Variants in RIMBP2 observed in about 807,000 individuals in gnomAD.
The protein encoded by RIMBP2 is RIMS binding protein 2, also known as RIMS-binding protein 2.
RIMBP2 carries 48 observed loss-of-function variants against 118.6 expected under a neutral mutation model. The ratio of observed to expected loss-of-function variants is 0.40; its 90% CI spans 0.32 to 0.51. The LOEUF (loss-of-function observed/expected upper bound fraction) is 0.51. Among genes scored for constraint, RIMBP2 ranks in the 20% least tolerant of loss-of-function variants. The pLI is 0.41. For synonymous variants in RIMBP2, 762 were observed against 742.9 expected, an observed-to-expected ratio of 1.03 and a Z score of -0.42; for missense variants, 1,551 against 1,768.3, an observed-to-expected ratio of 0.88 and a Z score of 2.20.
At chr12:130,711,793 C>T (rs899254668) in intron 1 of RIMBP2, among the ~76,000 whole-genome samples, 5 of 152,200 alleles carry the variant, frequency 3.3e-5, no homozygotes, top group Non-Finnish European at 5.9e-5. Flanking sequence ...AACAAGGATG[C>T]GTTCGGAGAA....
chr12:130,485,048 G>A (rs1440858338), intron 4 of RIMBP2, among the ~76,000 whole-genome samples: 1 of 152,116 alleles, frequency 6.6e-6, no homozygotes, highest in Non-Finnish European at 1.5e-5. Context: ...AGTCCCAAGA[G>A]GAGAAAACCC....
Position 130,710,473 on chromosome 12 carries a change from T to TAC in RIMBP2, c.-352+5747_-352+5748dup, listed in dbSNP as rs968228994. ...ACACACACACATACACACACACACG[T>TAC]ACACACACACATGTGTGCTCCCCAT... On this transcript the variant is annotated intron_variant, in intron 1 of 22. Coordinates refer to ENST00000690449, the MANE Select transcript of RIMBP2 (RefSeq NM_001393629.1). The surrounding 1 kb of genome is among the most constrained non-coding windows in gnomAD (Gnocchi z 4.3). Among the ~76,000 whole-genome samples, 3 of 151,976 alleles carry TAC rather than the reference T, an allele frequency of 2.0e-5. No homozygotes were observed. Among genetic ancestry groups the TAC allele is most frequent in the South Asian group, 2.1e-4 (1 of 4,802 alleles).
intron 2 of RIMBP2, among the ~76,000 whole-genome samples, chr12:130,601,335 C>CAGAAA (rs2059868865): frequency 1.6e-5 from 1 of 63,064 alleles, no homozygotes; most frequent in South Asian, 9.4e-4. Flanking sequence ...AGAGGGCAGG[C>CAGAAA]AAAAAAAAAA....
intron 2 of RIMBP2, among the ~76,000 whole-genome samples, chr12:130,556,069 C>T (rs959275245): frequency 6.6e-6 from 1 of 152,180 alleles, no homozygotes; most frequent in African/African-American, 2.4e-5. Context: ...GGATGAGCAG[C>T]ACTGTGCTAG....
intron 12 of RIMBP2, 123 bp from the exon 13 acceptor site, chr12:130,437,414 C>T (rs1325308509): frequency 2.6e-6 from 2 of 767,930 alleles, no homozygotes; most frequent in Non-Finnish European, 4.2e-6. Flanking sequence ...CGACCTCCGA[C>T]TCCAACCACC....
chr12:130,683,121 T>G lies in RIMBP2; in HGVS notation c.-352+33101A>C, dbSNP rs2064876387. Among the ~76,000 whole-genome samples the G allele has an allele frequency of 6.6e-6, 1 of 151,954 alleles. No homozygotes were observed. Among genetic ancestry groups the G allele is most frequent in the African/African-American group, 2.4e-5 (1 of 41,356 alleles). ...AGGGTCTGTGCAGGTATAATTAAGG[T>G]AAGGGTAGAGATGAGATCCAGGGGG... On this transcript the variant is annotated intron_variant, in intron 1 of 22. Coordinates refer to ENST00000690449, the MANE Select transcript of RIMBP2 (RefSeq NM_001393629.1). This position sits in a 1 kb window ranked among gnomAD's most constrained non-coding sequence, Gnocchi z 4.4.
intron 13 of RIMBP2, among the ~76,000 whole-genome samples, chr12:130,435,775 G>GGAGGTGCT (rs1175198095): frequency 2.6e-5 from 4 of 152,260 alleles, no homozygotes; most frequent in African/African-American, 7.2e-5. Context: ...CAGTTTTTCA[G>GGAGGTGCT]GAGGTGCTGA....
intron 2 of RIMBP2, among the ~76,000 whole-genome samples, chr12:130,519,394 A>G (rs2051833358): frequency 6.6e-6 from 1 of 152,258 alleles, no homozygotes; most frequent in Non-Finnish European, 1.5e-5. Flanking sequence ...GAACCCAAAC[A>G]TAAAAGACGG....
chr12:130,686,457 C>A (rs1374037263), intron 1 of RIMBP2, among the ~76,000 whole-genome samples: 1 of 152,228 alleles, frequency 6.6e-6, no homozygotes, highest in Non-Finnish European at 1.5e-5. Context: ...TTGTCCCACA[C>A]GAGGCATTCT....
intron 2 of RIMBP2, among the ~76,000 whole-genome samples, chr12:130,590,963 G>A (rs904661706): frequency 1.3e-5 from 2 of 152,198 alleles, no homozygotes; most frequent in Admixed American, 6.5e-5. Flanking sequence ...GCGGGATGCA[G>A]ACTCTAGCGT....
At chr12:130,613,728 C>T (rs189661466) in intron 2 of RIMBP2, among the ~76,000 whole-genome samples, 7 of 149,246 alleles carry the variant, frequency 4.7e-5, no homozygotes, top group East Asian at 2.0e-4. Flanking sequence ...GCAGGAGAAT[C>T]GCTTGAACCC....
chr12:130,643,227 G>A (rs2062701652), intron 1 of RIMBP2, among the ~76,000 whole-genome samples: 1 of 152,166 alleles, frequency 6.6e-6, no homozygotes, highest in Non-Finnish European at 1.5e-5. Context: ...TGGAACGCAG[G>A]GAGCTCACAC....
intron 5 of RIMBP2, among the ~76,000 whole-genome samples, chr12:130,472,549 GACTT>G (rs1449535456): frequency 6.6e-6 from 1 of 152,226 alleles, no homozygotes; most frequent in Non-Finnish European, 1.5e-5. Context: ...GCTACGCTGT[GACTT>G]ACATTTACAA....
intron 1 of RIMBP2, among the ~76,000 whole-genome samples, chr12:130,646,764 G>T (rs938434969): frequency 5.3e-5 from 8 of 152,380 alleles, no homozygotes; most frequent in South Asian, 2.1e-4. Context: ...GCCTCCAGGG[G>T]CGAATGATTT....
rs577661154 is a variant in RIMBP2, at chr12:130,661,497, C to T, written c.-351-33041G>A. 4.1e-4 allele frequency among the ~76,000 whole-genome samples: 63 copies of T among 152,316 alleles called. No homozygotes were observed. The East Asian group carries it at 5.4e-3, about 13-fold the overall frequency. ...TACACACAGTATTTGAGCTCCTAAA[C>T]CATTACTGGTCATATGACCCCTTTG... On this transcript the variant is annotated intron_variant, in intron 1 of 22. Coordinates refer to ENST00000690449, the MANE Select transcript of RIMBP2 (RefSeq NM_001393629.1).
intron 2 of RIMBP2, among the ~76,000 whole-genome samples, chr12:130,534,545 A>G (rs2053815901): frequency 6.6e-6 from 1 of 152,178 alleles, no homozygotes; most frequent in Non-Finnish European, 1.5e-5. Flanking sequence ...CCCCTTAAAT[A>G]TATGCAAATG....
chr12:130,636,878 A>C (rs75403700), intron 1 of RIMBP2, among the ~76,000 whole-genome samples: 2,382 of 152,310 alleles, frequency 0.016, 71 homozygotes, highest in African/African-American at 0.053. Context: ...TTTAGGACTA[A>C]GTCAATATAA....
At chr12:130,592,961 A>G (rs918175004) in intron 2 of RIMBP2, among the ~76,000 whole-genome samples, 1 of 152,174 alleles carries the variant, frequency 6.6e-6, no homozygotes, top group African/African-American at 2.4e-5. Flanking sequence ...AGGAAACGTC[A>G]GACCCACAAA....
intron 1 of RIMBP2, among the ~76,000 whole-genome samples, chr12:130,709,808 TA>T (rs879545419): frequency 1.3e-5 from 2 of 152,076 alleles, no homozygotes; most frequent in Non-Finnish European, 2.9e-5. Flanking sequence ...CAGGAGCGTT[TA>T]ATCAGAGGAA....
Sources: allele counts gnomAD v4.1 joint callset (sites outside exome capture counted in the v4.1 genomes callset), GRCh38; gene constraint gnomAD v4.1.1; non-coding constraint Gnocchi (gnomAD v3.1); transcripts MANE v1.5; gene names NCBI Gene and HGNC (gene_info 2026-07-23, HGNC 2026-07-21).